The following ADGRG2 variants were observed in gnomAD, a reference collection of about 807,000 sequenced individuals.
The protein encoded by ADGRG2 is G protein-coupled receptor 64.
In ADGRG2, 26 loss-of-function variants were observed where a neutral mutation model predicts 74.1. That is an observed-to-expected ratio of 0.35 (90% CI 0.26 to 0.49). The LOEUF is 0.49. Among genes scored for constraint, ADGRG2 ranks in the 20% least tolerant of loss-of-function variants. The pLI is 0.99. For synonymous variants in ADGRG2, 296 were observed against 295.2 expected (o/e 1.00, Z -0.03); for missense variants, 619 against 763.1 (o/e 0.81, Z 2.22).
intron 1 of ADGRG2, among the ~76,000 whole-genome samples, chrX:19,112,934 GC>G (rs1398008533): frequency 3.1e-5 from 3 of 96,514 alleles, no homozygotes; most frequent in Admixed American, 2.3e-4. Context: ...CTCCAGCCTG[GC>G]GACAGGGTGA....
At chrX:19,047,970 G>A (rs1177963371) in intron 3 of ADGRG2, among the ~76,000 whole-genome samples, 3 of 110,598 alleles carry the variant, frequency 2.7e-5, no homozygotes, top group African/African-American at 6.6e-5. Context: ...AAAAAACTTC[G>A]GCTCTTAGCT....
chrX:19,082,072 C>CAAAAAAAAAAAAAAAAAAAAAAA (rs57534658), intron 2 of ADGRG2, among the ~76,000 whole-genome samples: 2 of 21,208 alleles, frequency 9.4e-5, no homozygotes, highest in African/African-American at 2.9e-4. Flanking sequence ...GACCCTGTCT[C>CAAAAAAAAAAAAAAAAAAAAAAA]AAAAAAAAAA....
chrX:19,071,561 C>T (rs758874606), intron 2 of ADGRG2, among the ~76,000 whole-genome samples: 3 of 110,855 alleles, frequency 2.7e-5, no homozygotes, highest in Admixed American at 9.6e-5. Flanking sequence ...CATGAGAAAC[C>T]GAAGCAGAAA....
chrX:19,086,241 T>C (rs2061934121), intron 1 of ADGRG2, among the ~76,000 whole-genome samples: 1 of 111,018 alleles, frequency 9.0e-6, no homozygotes, highest in African/African-American at 3.3e-5. Context: ...TTTGGGGTTC[T>C]TACATCATTG....
intron 2 of ADGRG2, among the ~76,000 whole-genome samples, chrX:19,074,176 C>T (rs147013624): frequency 1.9e-4 from 21 of 111,613 alleles, no homozygotes; most frequent in Middle Eastern, 4.6e-3. Flanking sequence ...TTAGTTAGAT[C>T]AAACCTTGGG....
intron 4 of ADGRG2, 112 bp downstream of exon 4, chrX:19,040,077 G>C (rs918829596): frequency 1.8e-6 from 1 of 541,976 alleles, no homozygotes; most frequent in African/African-American, 2.3e-5. Flanking sequence ...ACCTAATTAA[G>C]CTTCTTGGAG....
At chrX:19,041,538 A>G (rs2061064256) in intron 3 of ADGRG2, among the ~76,000 whole-genome samples, 1 of 112,042 alleles carries the variant, frequency 8.9e-6, no homozygotes, top group Admixed American at 9.5e-5. Flanking sequence ...AGTGAAACAT[A>G]CCTGGTAGCC....
At chrX:19,015,692 C>G (rs1385945045) in intron 15 of ADGRG2, among the ~76,000 whole-genome samples, 1 of 111,951 alleles carries the variant, frequency 8.9e-6, no homozygotes, top group Non-Finnish European at 1.9e-5. Context: ...GCACTCCAGT[C>G]TGGGTGAAAG....
chrX:19,044,277 C>G (rs747377251), intron 3 of ADGRG2, among the ~76,000 whole-genome samples: 43 of 111,479 alleles, frequency 3.9e-4, no homozygotes, highest in Non-Finnish European at 6.6e-4. Context: ...AAGCCCCCCA[C>G]ATTTCTTGGC....
chrX:19,043,325 T>C (rs1569098814), intron 3 of ADGRG2, among the ~76,000 whole-genome samples: 1 of 111,434 alleles, frequency 9.0e-6, no homozygotes, highest in Non-Finnish European at 1.9e-5. Context: ...ATGTTTCTCT[T>C]GGGCCCTCTC....
chrX:19,091,977 T>C (rs1026730295), intron 1 of ADGRG2, among the ~76,000 whole-genome samples: 1 of 112,414 alleles, frequency 8.9e-6, no homozygotes, highest in Non-Finnish European at 1.9e-5. Flanking sequence ...CTGGGTTGGA[T>C]ATAAAGAGTG....
chrX:19,021,624 G>A (rs2146636191), intron 13 of ADGRG2, among the ~76,000 whole-genome samples: 1 of 111,226 alleles, frequency 9.0e-6, no homozygotes, highest in South Asian at 3.8e-4. Flanking sequence ...TCACATACCA[G>A]TCTAGATGAA....
At chrX:18,996,260 A>G (rs2060015959) in intron 26 of ADGRG2, 108 bp from the exon 27 acceptor site, 1 of 430,357 alleles carries the variant, frequency 2.3e-6, no homozygotes, top group Admixed American at 4.0e-5. Context: ...TGTGGGCAAC[A>G]TGAAATTTTG....
intron 3 of ADGRG2, among the ~76,000 whole-genome samples, chrX:19,048,394 T>C (rs1429426243): frequency 9.0e-6 from 1 of 111,551 alleles, no homozygotes; most frequent in African/African-American, 3.3e-5. Context: ...CCCTATGAGG[T>C]ACGTTATCCC....
intron 8 of ADGRG2, chrX:19,031,550 T>A (rs1332887738): frequency 8.8e-6 from 1 of 113,464 alleles, no homozygotes; most frequent in Non-Finnish European, 1.9e-5. Flanking sequence ...GCATTAACCA[T>A]ATTCTACAGG....
intron 3 of ADGRG2, among the ~76,000 whole-genome samples, chrX:19,046,581 G>A (rs1349968413): frequency 8.9e-6 from 1 of 112,658 alleles, no homozygotes; most frequent in Non-Finnish European, 1.9e-5. Flanking sequence ...TCAGAGATCA[G>A]TTGGGAACCC....
intron 2 of ADGRG2, among the ~76,000 whole-genome samples, chrX:19,076,746 G>A (rs887104732): frequency 2.7e-5 from 3 of 111,685 alleles, no homozygotes; most frequent in African/African-American, 9.8e-5. Flanking sequence ...TCCAGCCTGG[G>A]TGATAGAAGG....
intron 3 of ADGRG2, among the ~76,000 whole-genome samples, chrX:19,046,842 G>A (rs1314902542): frequency 9.0e-6 from 1 of 111,527 alleles, no homozygotes; most frequent in African/African-American, 3.3e-5. Flanking sequence ...GCCAAACCGA[G>A]AGAGGGGGAG....
At chrX:18,997,563 G>A (rs2060040970) in intron 26 of ADGRG2, among the ~76,000 whole-genome samples, 1 of 112,498 alleles carries the variant, frequency 8.9e-6, no homozygotes, top group African/African-American at 3.2e-5. Flanking sequence ...ATTTGCTCAT[G>A]TTTTTGGTTT....
Sources: allele counts gnomAD v4.1 joint callset (sites outside exome capture counted in the v4.1 genomes callset), GRCh38; gene constraint gnomAD v4.1.1; transcripts MANE v1.5; gene names NCBI Gene and HGNC (gene_info 2026-07-23, HGNC 2026-07-21).